Variants in KANSL1 observed in about 807,000 individuals in gnomAD.
KANSL1 encodes KAT8 regulatory NSL complex subunit 1.
In KANSL1, 22 loss-of-function variants were observed where a neutral mutation model predicts 103.6. That is an observed-to-expected ratio of 0.21 (90% CI 0.15 to 0.30). The LOEUF is 0.30. Ranked by LOEUF, KANSL1 falls within the 10% of genes least tolerant of loss-of-function variation. KANSL1 has a pLI of 1.00. For synonymous variants in KANSL1, 600 were observed against 527.6 expected, an observed-to-expected ratio of 1.14 and a Z score of -1.88; for missense variants, 1,337 against 1,399.8, an observed-to-expected ratio of 0.96 and a Z score of 0.72.
At chr17:46,188,349 T>C (rs2047130322) in intron 1 of KANSL1, among the ~76,000 whole-genome samples, 1 of 152,282 alleles carries the variant, frequency 6.6e-6, no homozygotes, top group South Asian at 2.1e-4. Flanking sequence ...TATCTTGTCA[T>C]ATAAACTATT....
At chr17:46,203,507 A>C (rs190414894) in intron 1 of KANSL1, among the ~76,000 whole-genome samples, 3 of 152,368 alleles carry the variant, frequency 2.0e-5, no homozygotes, top group Admixed American at 1.3e-4. Context: ...GATGTTAAAC[A>C]CTGTAGAATC....
At chr17:46,215,957 T>C (rs1963048311) in intron 1 of KANSL1, among the ~76,000 whole-genome samples, 1 of 152,080 alleles carries the variant, frequency 6.6e-6, no homozygotes, top group Admixed American at 6.5e-5. Flanking sequence ...AGAGAGTCGC[T>C]GGAACCTGGG....
chr17:46,082,708 G>C (rs1159227225), intron 3 of KANSL1, among the ~76,000 whole-genome samples, 166 bp from the exon 4 acceptor site: 4 of 152,054 alleles, frequency 2.6e-5, no homozygotes, highest in South Asian at 4.2e-4. Flanking sequence ...TTCCCAAAGA[G>C]CTATTTCAAC....
At chr17:46,093,298 GA>G (rs1315510730) in intron 3 of KANSL1, 7 of 152,572 alleles carry the variant, frequency 4.6e-5, no homozygotes, top group Admixed American at 3.9e-4. Context: ...GAAGACTTGG[GA>G]AAGCAAAATA....
At chr17:46,211,197 T>C (rs1435264613) in intron 1 of KANSL1, among the ~76,000 whole-genome samples, 4 of 124,738 alleles carry the variant, frequency 3.2e-5, no homozygotes, top group Non-Finnish European at 6.5e-5. Flanking sequence ...AATTATAGAA[T>C]ATTCCCTAAA....
chr17:46,124,301 G>A (rs56257094), intron 2 of KANSL1, among the ~76,000 whole-genome samples: 21,622 of 151,934 alleles, frequency 0.14, 2,095 homozygotes, highest in Non-Finnish European at 0.22. Flanking sequence ...AAACAACAAA[G>A]CCAGGATGTC....
chr17:46,196,603 G>A (rs1050124342), upstream of KANSL1: 4 of 330,702 alleles, frequency 1.2e-5, no homozygotes, highest in African/African-American at 8.7e-5. Context: ...AACCAATCCT[G>A]ACAATTTGTA....
At chr17:46,154,676 G>A (rs901164586) in intron 2 of KANSL1, among the ~76,000 whole-genome samples, 3 of 152,196 alleles carry the variant, frequency 2.0e-5, no homozygotes, top group Non-Finnish European at 2.9e-5. Flanking sequence ...TCACTGCAAA[G>A]CCTTAAACAG....
intron 1 of KANSL1, among the ~76,000 whole-genome samples, chr17:46,220,286 G>A (rs371486936): frequency 8.6e-3 from 1,285 of 149,540 alleles, no homozygotes; most frequent in African/African-American, 0.03. Flanking sequence ...GCACGATCTC[G>A]GCTCACTGTA....
chr17:46,045,006 C>T (rs2077451657), intron 7 of KANSL1: 1 of 151,504 alleles, frequency 6.6e-6, no homozygotes, highest in Admixed American at 6.6e-5. Context: ...CATTTTTAAC[C>T]TTGTTATGAA....
At chr17:46,141,935 C>G (rs1310482702) in intron 2 of KANSL1, among the ~76,000 whole-genome samples, 1 of 152,168 alleles carries the variant, frequency 6.6e-6, no homozygotes, top group Admixed American at 6.5e-5. Flanking sequence ...CGTGCCCAGG[C>G]TGGAGTGCAG....
intron 7 of KANSL1, chr17:46,042,729 A>T (rs2077367037): frequency 6.6e-6 from 1 of 150,690 alleles, no homozygotes; most frequent in African/African-American, 2.4e-5. Flanking sequence ...ACTGAATGTT[A>T]TGCCTTCGAG....
At chr17:46,096,311 CTTTTTTTTTTTTT>C in intron 2 of KANSL1, among the ~76,000 whole-genome samples, 1 of 76,408 alleles carries the variant, frequency 1.3e-5, no homozygotes, top group South Asian at 3.4e-4. Context: ...GCTTTTTTTT[CTTTTTTTTTTTTT>C]TTTTTTTTGA....
At chr17:46,183,919 CAAAAAG>C (rs1245526469) in intron 1 of KANSL1, among the ~76,000 whole-genome samples, 1 of 152,100 alleles carries the variant, frequency 6.6e-6, no homozygotes, top group Non-Finnish European at 1.5e-5. Flanking sequence ...TCCAAAAAAA[CAAAAAG>C]AAAGAAATGA....
rs117124819 is a variant in KANSL1, at chr17:46,092,002, A to G, written c.1431+2558T>C. ...TGGCTAATTTTTTTGTATTTTTCAT[A>G]GAGACAGGGGTTTCACCATGTTGGC... On this transcript the variant is annotated intron_variant, in intron 3 of 14. Transcript: ENST00000432791. Among the ~76,000 whole-genome samples, 1,288 of 152,206 alleles carry G rather than the reference A, an allele frequency of 8.5e-3. 3 individuals carry two copies. The highest frequency in any genetic ancestry group is 0.011 in the Non-Finnish European group (770 of 67,994).
At chr17:46,035,660 G>C (rs562556170) in intron 10 of KANSL1, 2 of 152,282 alleles carry the variant, frequency 1.3e-5, no homozygotes, top group African/African-American at 4.8e-5. Context: ...CCAGATCTGT[G>C]CTGAAATTAT....
chr17:46,066,001 C>A (rs921649475), intron 6 of KANSL1, among the ~76,000 whole-genome samples: 3 of 152,138 alleles, frequency 2.0e-5, no homozygotes, highest in African/African-American at 7.2e-5. Flanking sequence ...GCTGGGACTA[C>A]AGGTGTGCAC....
intron 3 of KANSL1, among the ~76,000 whole-genome samples, chr17:46,085,733 G>A (rs1354708111): frequency 6.6e-6 from 1 of 151,922 alleles, no homozygotes; most frequent in Non-Finnish European, 1.5e-5. Flanking sequence ...CTCAAGTAAT[G>A]CACTTGCCTC....
At chr17:46,082,597 T>G in intron 3 of KANSL1, 55 bp from the exon 4 acceptor site, 1 of 1,020,872 alleles carries the variant, frequency 9.8e-7, no homozygotes, top group South Asian at 1.5e-5. Flanking sequence ...ACTTCAAATT[T>G]AATTTAGGAG....
Sources: allele counts gnomAD v4.1 joint callset (sites outside exome capture counted in the v4.1 genomes callset), GRCh38; gene constraint gnomAD v4.1.1; transcripts MANE v1.5; gene names NCBI Gene and HGNC (gene_info 2026-07-23, HGNC 2026-07-21).